Variants in TGFBR3 observed in about 807,000 individuals in gnomAD.
TGFBR3 encodes transforming growth factor beta receptor 3, also known as transforming growth factor beta receptor type 3.
TGFBR3 carries 46 observed loss-of-function variants against 87.9 expected under a neutral mutation model. The ratio of observed to expected loss-of-function variants is 0.52; its 90% CI spans 0.41 to 0.67. The LOEUF (loss-of-function observed/expected upper bound fraction) is 0.67. Among genes scored for constraint, TGFBR3 ranks in the 30% least tolerant of loss-of-function variants. The pLI, the probability that TGFBR3 is intolerant of heterozygous loss-of-function variation, is 0.00. For synonymous variants in TGFBR3, 381 were observed against 391.6 expected (o/e 0.97, Z 0.32); for missense variants, 866 against 1,041.9 (o/e 0.83, Z 2.32).
intron 2 of TGFBR3, among the ~76,000 whole-genome samples, chr1:91,812,229 G>A (rs547045576): frequency 6.6e-6 from 1 of 152,258 alleles, no homozygotes; most frequent in East Asian, 1.9e-4. Flanking sequence ...CCTTCTCTCA[G>A]TATTTCATAT....
intron 1 of TGFBR3, among the ~76,000 whole-genome samples, chr1:91,903,338 C>CAAA (rs58672104): frequency 0.15 from 7,532 of 50,312 alleles, 1,830 homozygotes; most frequent in East Asian, 0.37. Flanking sequence ...GATTCTGCCT[C>CAAA]AAAAAAAAAA....
chr1:91,836,533 G>A (rs900137405), intron 2 of TGFBR3, among the ~76,000 whole-genome samples: 1 of 152,068 alleles, frequency 6.6e-6, no homozygotes, highest in African/African-American at 2.4e-5. Flanking sequence ...AAAACGCTGC[G>A]CTCCATTAAG....
intron 3 of TGFBR3, among the ~76,000 whole-genome samples, chr1:91,763,243 C>G (rs531753243): frequency 6.6e-6 from 1 of 152,088 alleles, no homozygotes. Flanking sequence ...TTAGTTAGAC[C>G]CCCTACTTCT....
intron 16 of TGFBR3, among the ~76,000 whole-genome samples, chr1:91,693,406 C>T (rs1387928773): frequency 6.6e-6 from 1 of 152,152 alleles, no homozygotes; most frequent in Non-Finnish European, 1.5e-5. Context: ...TCTACATTAA[C>T]AGTACTTGAA....
At position 91,680,445 on chromosome 1, in the gene TGFBR3, C is replaced by T; in HGVS notation, c.*3294G>A. ...GCATCTTCACAAAATAGCTGACACA[C>T]TGAACAGAGAAAAGAATACAACAGG... On this transcript the variant is annotated 3_prime_UTR_variant, in exon 17 of 17. Transcript: ENST00000212355. 2.2e-6 allele frequency: 1 copy of T among 454,042 alleles called. No homozygotes were observed. Among genetic ancestry groups the T allele is most frequent in the South Asian group, 1.6e-5 (1 of 64,464 alleles). The allele number at this position is 454,042 out of a possible 1,614,324, so 28.1% of individuals were successfully genotyped here.
intron 2 of TGFBR3, among the ~76,000 whole-genome samples, chr1:91,822,949 A>C (rs1457102622): frequency 6.6e-6 from 1 of 152,190 alleles, no homozygotes; most frequent in Non-Finnish European, 1.5e-5. Flanking sequence ...ATAAAAATAA[A>C]GATGAATAAT....
intron 3 of TGFBR3, among the ~76,000 whole-genome samples, chr1:91,780,345 C>T (rs552823832): frequency 1.5e-3 from 222 of 152,208 alleles, no homozygotes; most frequent in African/African-American, 5.3e-3. Flanking sequence ...TTCTGTAACC[C>T]TGGTAATCTG....
chr1:91,804,030 C>G (rs1240539735), intron 2 of TGFBR3, among the ~76,000 whole-genome samples: 2 of 152,192 alleles, frequency 1.3e-5, no homozygotes, highest in African/African-American at 4.8e-5. Context: ...TGGCACAAAA[C>G]AGACACTCAA....
chr1:91,743,665 C>A (rs564672760), intron 4 of TGFBR3, among the ~76,000 whole-genome samples: 33 of 152,166 alleles, frequency 2.2e-4, no homozygotes, highest in Admixed American at 3.9e-4. Flanking sequence ...GTGTTGGGTA[C>A]AAAAAAGATA....
intron 4 of TGFBR3, among the ~76,000 whole-genome samples, chr1:91,740,878 T>C (rs924502755): frequency 6.6e-6 from 1 of 152,074 alleles, no homozygotes; most frequent in Non-Finnish European, 1.5e-5. Context: ...ACATAAGAAA[T>C]GTAGGGAAAA....
intron 1 of TGFBR3, among the ~76,000 whole-genome samples, chr1:91,884,335 T>A (rs916673337): frequency 1.6e-4 from 23 of 146,324 alleles, no homozygotes; most frequent in South Asian, 2.1e-4. Context: ...AAAAAAAAAA[T>A]TTCCATGTTA....
intron 2 of TGFBR3, among the ~76,000 whole-genome samples, chr1:91,899,234 G>C (rs996353766): frequency 6.6e-6 from 1 of 152,174 alleles, no homozygotes; most frequent in East Asian, 1.9e-4. Flanking sequence ...CTATCAAAAT[G>C]TCAGCTGGGT....
chr1:91,867,300 C>T (rs1003190401), intron 1 of TGFBR3, among the ~76,000 whole-genome samples: 5 of 152,164 alleles, frequency 3.3e-5, no homozygotes, highest in East Asian at 3.9e-4. Context: ...GGAAGCAGTA[C>T]GCACAGATGG....
intron 14 of TGFBR3, among the ~76,000 whole-genome samples, chr1:91,701,972 A>G (rs1027795414): frequency 3.9e-5 from 6 of 152,216 alleles, no homozygotes; most frequent in Non-Finnish European, 4.4e-5. Context: ...CCACTAGACC[A>G]GTGTGTCTCA....
At chr1:91,736,174 A>G (rs1014606646) in intron 4 of TGFBR3, among the ~76,000 whole-genome samples, 31 of 152,076 alleles carry the variant, frequency 2.0e-4, no homozygotes, top group African/African-American at 7.0e-4. Flanking sequence ...TAATGTTGCA[A>G]GCTGAAAACT....
At chr1:91,794,238 C>T (rs1444101104) in intron 3 of TGFBR3, among the ~76,000 whole-genome samples, 2 of 151,568 alleles carry the variant, frequency 1.3e-5, no homozygotes, top group African/African-American at 4.8e-5. Context: ...GAGTCTCACT[C>T]TGTTGCTCAG....
At chr1:91,833,460 C>CAAAA (rs33936360) in intron 2 of TGFBR3, among the ~76,000 whole-genome samples, 1 of 37,150 alleles carries the variant, frequency 2.7e-5, no homozygotes, top group Non-Finnish European at 4.6e-5. Flanking sequence ...AGCTCTGTCT[C>CAAAA]AAAAAAAAAA....
intron 3 of TGFBR3, among the ~76,000 whole-genome samples, chr1:91,789,165 G>A (rs1223890309): frequency 2.6e-5 from 4 of 152,170 alleles, no homozygotes; most frequent in Non-Finnish European, 4.4e-5. Flanking sequence ...AAATTAGCTG[G>A]GCATGGTGGC....
chr1:91,729,018 A>T (rs1672649936), intron 6 of TGFBR3, among the ~76,000 whole-genome samples: 1 of 148,232 alleles, frequency 6.7e-6, no homozygotes, highest in Non-Finnish European at 1.5e-5. Context: ...GTCACCATGA[A>T]GGGCCACTCC....
Sources: allele counts gnomAD v4.1 joint callset (sites outside exome capture counted in the v4.1 genomes callset), GRCh38; gene constraint gnomAD v4.1.1; transcripts MANE v1.5; gene names NCBI Gene and HGNC (gene_info 2026-07-23, HGNC 2026-07-21).